The following HELZ variants were observed in gnomAD, a reference collection of about 807,000 sequenced individuals.
The protein encoded by HELZ is helicase with zinc finger, also known as ATP-dependent RNA helicase with zinc finger domain.
In HELZ, 23 loss-of-function variants were observed where a neutral mutation model predicts 218.2. That is an observed-to-expected ratio of 0.11 (90% CI 0.08 to 0.15). The LOEUF (loss-of-function observed/expected upper bound fraction) is 0.15. Ranked by LOEUF, HELZ falls within the 10% of genes least tolerant of loss-of-function variation. The probability of loss-of-function intolerance (pLI) is 1.00; values close to 1 mark genes in which losing one functional copy is unlikely to be tolerated. For missense variants in HELZ, 1,813 were observed against 2,353.7 expected (o/e 0.77, Z 4.75); for synonymous variants, 814 against 829.4 (o/e 0.98, Z 0.32).
At chr17:67,079,867 ACTATT>A (rs1173210847) in intron 32 of HELZ, among the ~76,000 whole-genome samples, 5 of 152,222 alleles carry the variant, frequency 3.3e-5, no homozygotes, top group Non-Finnish European at 5.9e-5. Flanking sequence ...TATTGGACAT[ACTATT>A]CTATTGTTTT....
intron 31 of HELZ, among the ~76,000 whole-genome samples, chr17:67,093,634 A>T (rs1195148068): frequency 6.6e-6 from 1 of 152,198 alleles, no homozygotes; most frequent in East Asian, 1.9e-4. Context: ...CTCAATTTTA[A>T]ATCTTATTTC....
intron 27 of HELZ, chr17:67,120,019 T>TTTTTTC (rs2037555340): frequency 2.6e-6 from 1 of 377,510 alleles, no homozygotes; most frequent in Non-Finnish European, 5.0e-6. Flanking sequence ...TTTTTTTTTT[T>TTTTTTC]TTGAGATGGA....
At chr17:67,231,162 A>G (rs1458483964) in intron 3 of HELZ, among the ~76,000 whole-genome samples, 2 of 152,238 alleles carry the variant, frequency 1.3e-5, no homozygotes, top group Admixed American at 6.5e-5. Flanking sequence ...CTGAGAGGCT[A>G]TCACAGCCCA....
chr17:67,237,712 G>A (rs1209782271), intron 3 of HELZ, among the ~76,000 whole-genome samples: 5 of 152,116 alleles, frequency 3.3e-5, no homozygotes, highest in Admixed American at 1.3e-4. Context: ...AAGCTAGCCC[G>A]GCACAGTGGC....
At chr17:67,100,699 CA>C (rs1351699655) in intron 31 of HELZ, among the ~76,000 whole-genome samples, 3 of 151,524 alleles carry the variant, frequency 2.0e-5, no homozygotes, top group Non-Finnish European at 4.4e-5. Context: ...ATAACAAAAA[CA>C]AAACAAAACA....
chr17:67,157,404 A>T (rs1434856224), intron 17 of HELZ, among the ~76,000 whole-genome samples: 9 of 152,226 alleles, frequency 5.9e-5, no homozygotes, highest in Non-Finnish European at 1.3e-4. Context: ...ACAAAGCTTG[A>T]TCGCTGAGCC....
intron 31 of HELZ, among the ~76,000 whole-genome samples, chr17:67,104,604 G>C (rs1348299132): frequency 6.6e-6 from 1 of 151,892 alleles, no homozygotes; most frequent in Non-Finnish European, 1.5e-5. Flanking sequence ...AAAGTGAAAA[G>C]ACAACCCACA....
intron 4 of HELZ, among the ~76,000 whole-genome samples, chr17:67,218,081 C>T (rs564250312): frequency 5.3e-5 from 8 of 151,950 alleles, no homozygotes; most frequent in South Asian, 2.1e-4. Flanking sequence ...ATTATAGGCA[C>T]GCGCTACCAC....
At chr17:67,098,663 G>A (rs1484642256) in intron 31 of HELZ, among the ~76,000 whole-genome samples, 1 of 152,094 alleles carries the variant, frequency 6.6e-6, no homozygotes, top group Non-Finnish European at 1.5e-5. Flanking sequence ...AGAATTGCTT[G>A]AACCTGGCAG....
chr17:67,155,971 T>C (rs1257350787), intron 17 of HELZ, among the ~76,000 whole-genome samples: 1 of 148,294 alleles, frequency 6.7e-6, no homozygotes, highest in African/African-American at 2.5e-5. Flanking sequence ...TTTATTTTTA[T>C]GTATTATATA....
chr17:67,122,260 G>C, intron 26 of HELZ, among the ~76,000 whole-genome samples: 2 of 151,948 alleles, frequency 1.3e-5, no homozygotes, highest in East Asian at 3.9e-4. Context: ...AATTAGCCGG[G>C]CATGGCCAGG....
At chr17:67,214,270 T>G (rs77753905) in intron 5 of HELZ, among the ~76,000 whole-genome samples, 49 of 104,166 alleles carry the variant, frequency 4.7e-4, no homozygotes, top group Admixed American at 2.7e-3. Flanking sequence ...TTTTTTTTTT[T>G]TTTTTTTTTT....
intron 3 of HELZ, among the ~76,000 whole-genome samples, chr17:67,223,255 G>A (rs1026711840): frequency 5.3e-5 from 8 of 150,572 alleles, no homozygotes; most frequent in Admixed American, 3.3e-4. Flanking sequence ...GCGAGATTCC[G>A]TCTCAAAAAA....
intron 31 of HELZ, among the ~76,000 whole-genome samples, chr17:67,098,574 A>AG (rs1241076589): frequency 8.3e-6 from 1 of 120,298 alleles, no homozygotes; most frequent in African/African-American, 2.6e-5. Flanking sequence ...GTCTCTACTA[A>AG]AAAAAAAAAA....
chr17:67,086,288 G>T (rs559635641), intron 32 of HELZ, among the ~76,000 whole-genome samples: 1 of 152,032 alleles, frequency 6.6e-6, no homozygotes, highest in South Asian at 2.1e-4. Context: ...TAACCTTCTG[G>T]ACATAAAATA....
At chr17:67,151,435 A>G (rs913949303) in intron 17 of HELZ, among the ~76,000 whole-genome samples, 3 of 152,350 alleles carry the variant, frequency 2.0e-5, no homozygotes, top group Non-Finnish European at 2.9e-5. Flanking sequence ...ACAGACATAG[A>G]AAGTATATGC....
chr17:67,202,224 C>T (rs1246580401), intron 6 of HELZ, among the ~76,000 whole-genome samples: 1 of 151,408 alleles, frequency 6.6e-6, no homozygotes, highest in Non-Finnish European at 1.5e-5. Flanking sequence ...AAGTTACGAA[C>T]TGGTTTAAAA....
At chr17:67,137,818 T>TA (rs1317217270) in intron 22 of HELZ, 113 bp downstream of exon 22, 5 of 759,744 alleles carry the variant, frequency 6.6e-6, no homozygotes, top group Non-Finnish European at 2.0e-6. Flanking sequence ...AAGAACTTGA[T>TA]ATGAAATGAA....
chr17:67,192,379 G>A (rs1470848214), intron 9 of HELZ, among the ~76,000 whole-genome samples: 1 of 152,016 alleles, frequency 6.6e-6, no homozygotes, highest in Non-Finnish European at 1.5e-5. Flanking sequence ...TTGAAAAAAT[G>A]AGTATATTTA....
Sources: allele counts gnomAD v4.1 joint callset (sites outside exome capture counted in the v4.1 genomes callset), GRCh38; gene constraint gnomAD v4.1.1; transcripts MANE v1.5; gene names NCBI Gene and HGNC (gene_info 2026-07-23, HGNC 2026-07-21).